GPC3: variants seen among roughly 807,000 people sequenced by gnomAD.
GPC3 encodes the protein glypican 3.
Under a neutral mutation model 34.4 loss-of-function variants are expected in GPC3, and 3 were observed. The ratio of observed to expected loss-of-function variants is 0.09; its 90% CI spans 0.04 to 0.23. The LOEUF is 0.23. Ranked by LOEUF, GPC3 falls within the 10% of genes least tolerant of loss-of-function variation. The probability of loss-of-function intolerance (pLI) is 1.00; values close to 1 mark genes in which losing one functional copy is unlikely to be tolerated. For synonymous variants in GPC3, 177 were observed against 174.0 expected, an observed-to-expected ratio of 1.02 and a Z score of -0.13; for missense variants, 351 against 445.6, an observed-to-expected ratio of 0.79 and a Z score of 1.91.
At chrX:133,683,386 A>AG (rs1230434504) in intron 5 of GPC3, among the ~76,000 whole-genome samples, 1 of 112,280 alleles carries the variant, frequency 8.9e-6, no homozygotes, top group Non-Finnish European at 1.9e-5. Flanking sequence ...TTCATGGAGC[A>AG]GTGATAGTAA....
chrX:133,695,046 A>C (rs768457034), intron 4 of GPC3, among the ~76,000 whole-genome samples: 5 of 112,006 alleles, frequency 4.5e-5, no homozygotes, highest in Non-Finnish European at 1.9e-5. Flanking sequence ...ATTTATAAAG[A>C]AAAGCCAGCT....
intron 2 of GPC3, among the ~76,000 whole-genome samples, chrX:133,893,632 G>A (rs755642104): frequency 1.8e-5 from 2 of 111,096 alleles, no homozygotes; most frequent in Admixed American, 9.6e-5. Flanking sequence ...TTCTTACAGG[G>A]AAGATGTTTC....
At chrX:133,853,712 T>C (rs2075886635) in intron 2 of GPC3, among the ~76,000 whole-genome samples, 1 of 112,071 alleles carries the variant, frequency 8.9e-6, no homozygotes, top group African/African-American at 3.2e-5. Context: ...AAACAAATAA[T>C]TGTAGTAGAG....
intron 1 of GPC3, among the ~76,000 whole-genome samples, chrX:133,976,905 A>C (rs1345948686): frequency 9.6e-6 from 1 of 104,166 alleles, no homozygotes; most frequent in Non-Finnish European, 2.0e-5. Flanking sequence ...GCAACAGTGC[A>C]AGACTCTGTC....
intron 2 of GPC3, among the ~76,000 whole-genome samples, chrX:133,905,017 C>G (rs1425122579): frequency 8.9e-6 from 1 of 112,100 alleles, no homozygotes; most frequent in Non-Finnish European, 1.9e-5. Flanking sequence ...GTCTCCACCC[C>G]ACGGGGTACC....
At chrX:133,606,400 T>C (rs1569395040) in intron 6 of GPC3, among the ~76,000 whole-genome samples, 1 of 111,687 alleles carries the variant, frequency 9.0e-6, no homozygotes, top group Non-Finnish European at 1.9e-5. Context: ...TTTACTAGCC[T>C]TGTTACTATA....
Position 133,625,306 on chromosome X carries a change from T to G in GPC3, c.1414-28707A>C, listed in dbSNP as rs754041161. ...CTCCTATTCAACATAGTGTTAGAAGTTCTGGCCAGGGCAATCAGGCAGGAG... is the reference window on the plus strand; with the variant it reads ...CTCCTATTCAACATAGTGTTAGAAGGTCTGGCCAGGGCAATCAGGCAGGAG... On this transcript the variant is annotated intron_variant, in intron 6 of 7. Transcript: ENST00000370818. 8.1e-5 allele frequency among the ~76,000 whole-genome samples: 9 copies of G among 111,726 alleles called. No individual in the cohort carries two copies. In the East Asian group the frequency reaches 1.4e-3, roughly 18 times the overall value.
intron 5 of GPC3, among the ~76,000 whole-genome samples, chrX:133,672,309 C>A (rs2070835105): frequency 8.9e-6 from 1 of 111,757 alleles, no homozygotes; most frequent in South Asian, 3.8e-4. Context: ...GTGAGAATCG[C>A]AAGCTAGGCA....
rs1238015282 is a variant in GPC3, at chrX:133,696,455, T to C, written c.1166+3440A>G. Among the ~76,000 whole-genome samples the C allele has an allele frequency of 3.6e-5, 4 of 112,583 alleles. No homozygotes were observed. In the East Asian group the frequency reaches 1.1e-3, roughly 31 times the overall value. On this transcript the variant is annotated intron_variant, in intron 4 of 7. Transcript: ENST00000370818. ...TGTTCCAGCACAGGAATTAAGCGTA[T>C]TTTAATCTTTTCTTAAATAAAGGTT... is the stretch of plus-strand genomic sequence containing the variant.
At chrX:133,734,718 A>ATCTC (rs113935655) in intron 3 of GPC3, among the ~76,000 whole-genome samples, 1 of 107,686 alleles carries the variant, frequency 9.3e-6, no homozygotes, top group Non-Finnish European at 1.9e-5. Context: ...AAGACTGACA[A>ATCTC]TCTCTCTCTC....
intron 7 of GPC3, among the ~76,000 whole-genome samples, chrX:133,536,947 T>C (rs897885811): frequency 1.6e-4 from 18 of 111,973 alleles, no homozygotes; most frequent in African/African-American, 5.8e-4. Flanking sequence ...AAAAGCAAAA[T>C]TGATCAAAGC....
At chrX:133,939,950 C>T (rs1366190787) in intron 2 of GPC3, among the ~76,000 whole-genome samples, 1 of 111,185 alleles carries the variant, frequency 9.0e-6, no homozygotes, top group Admixed American at 9.6e-5. Context: ...GAAAAGAAGC[C>T]TAAATCTTTG....
At chrX:133,819,243 T>TG (rs2075707759) in intron 2 of GPC3, among the ~76,000 whole-genome samples, 1 of 96,858 alleles carries the variant, frequency 1.0e-5, no homozygotes, top group Non-Finnish European at 2.0e-5. Context: ...AACAAGCGGA[T>TG]TTTTTTTTAA....
intron 2 of GPC3, among the ~76,000 whole-genome samples, chrX:133,933,784 T>C (rs1390482472): frequency 1.8e-5 from 2 of 109,785 alleles, no homozygotes; most frequent in African/African-American, 6.6e-5. Flanking sequence ...TCCTGAGGCC[T>C]CCCCAGAAAC....
chrX:133,799,673 G>A (rs190206315), intron 2 of GPC3, among the ~76,000 whole-genome samples: 19 of 111,602 alleles, frequency 1.7e-4, no homozygotes, highest in Admixed American at 1.5e-3. Flanking sequence ...TAAAGCTACA[G>A]TTTAGGCATT....
At position 133,881,441 on chromosome X, in the gene GPC3, T is replaced by C. The variant is rs140758691; in HGVS notation, c.337+71609A>G. Among the ~76,000 whole-genome samples, 813 of 112,657 alleles carry C rather than the reference T, an allele frequency of 7.2e-3. 9 individuals are homozygous for C. Among genetic ancestry groups the C allele is most frequent in the African/African-American group, 0.025 (780 of 31,040 alleles). ...GTAAAAATTAATACATGTGGCGTTT[T>C]ATGTTCAAATTTAAATCATTTTCAT... is the stretch of plus-strand genomic sequence containing the variant. On this transcript the variant is annotated intron_variant, in intron 2 of 7. Coordinates refer to ENST00000370818, the MANE Select transcript of GPC3 (RefSeq NM_004484.4).
intron 5 of GPC3, among the ~76,000 whole-genome samples, chrX:133,675,241 T>TCA (rs1229943200): frequency 1.8e-5 from 2 of 111,910 alleles, no homozygotes; most frequent in Non-Finnish European, 3.8e-5. Context: ...TCCTCTGGCC[T>TCA]TAGTCACAGT....
rs966075793 is a variant in GPC3, at chrX:133,945,086, T to C, written c.337+7964A>G. Among the ~76,000 whole-genome samples the C allele has an allele frequency of 4.5e-5, 5 of 112,105 alleles. No homozygotes were observed. In the South Asian group the frequency reaches 1.1e-3, roughly 25 times the overall value. ...GGAGTCCAGAAAGGCTAGTATCTAA[T>C]AGGCAATTAATAATTTGAATTTGGC... On this transcript the variant is annotated intron_variant, in intron 2 of 7. Transcript: ENST00000370818.
Position 133,850,489 on chromosome X carries a change from AT to A in GPC3, c.338-96314del, listed in dbSNP as rs1270200152. Among the ~76,000 whole-genome samples the A allele has an allele frequency of 7.2e-5, 8 of 110,856 alleles. No individual in the cohort carries two copies. The Admixed American group carries it at 7.7e-4, about 11-fold the overall frequency. On this transcript the variant is annotated intron_variant, in intron 2 of 7. Coordinates refer to ENST00000370818, the MANE Select transcript of GPC3 (RefSeq NM_004484.4). ...TATCACTACCAAACACAGAAATAGTATTTACGTGGTAATCCTTGCTACCAAG... is the reference window on the plus strand; with the variant it reads ...TATCACTACCAAACACAGAAATAGTATTACGTGGTAATCCTTGCTACCAAG...
Sources: gnomAD v4.1 joint callset for allele counts (sites outside exome capture counted in the v4.1 genomes callset) on GRCh38, gnomAD v4.1.1 for gene constraint, MANE v1.5 for transcripts, NCBI Gene and HGNC (gene_info 2026-07-23, HGNC 2026-07-21) for gene names.